SCN1A: variants seen among roughly 807,000 people sequenced by gnomAD.
SCN1A encodes sodium voltage-gated channel alpha subunit 1.
In SCN1A, 13 loss-of-function variants were observed where a neutral mutation model predicts 193.7. That is an observed-to-expected ratio of 0.07 (90% CI 0.04 to 0.11). SCN1A has a LOEUF of 0.11. Ranked by LOEUF, SCN1A falls within the 10% of genes least tolerant of loss-of-function variation. SCN1A has a pLI of 1.00. For missense variants in SCN1A, 1,432 were observed against 2,451.1 expected (o/e 0.58, Z 8.78); for synonymous variants, 781 against 843.6 (o/e 0.93, Z 1.29).
chr2:166,098,177 A>T (rs1687604846), intron 2 of SCN1A, among the ~76,000 whole-genome samples: 1 of 152,304 alleles, frequency 6.6e-6, no homozygotes, highest in Non-Finnish European at 1.5e-5. Context: ...CACCATGATC[A>T]AGTAGGCTTT....
upstream of SCN1A, among the ~76,000 whole-genome samples, chr2:166,130,756 T>C (rs1691626361): frequency 6.6e-6 from 1 of 152,168 alleles, no homozygotes; most frequent in Non-Finnish European, 1.5e-5. Flanking sequence ...AACTAACAAC[T>C]CATCATTCTG....
intron 2 of SCN1A, among the ~76,000 whole-genome samples, chr2:166,111,709 C>T (rs10930205): frequency 0.26 from 39,840 of 151,888 alleles, 5,319 homozygotes; most frequent in African/African-American, 0.28. Flanking sequence ...ATTCACCATC[C>T]TAGATCCCAT....
intron 1 of SCN1A, among the ~76,000 whole-genome samples, chr2:166,142,980 G>A (rs1692153304): frequency 1.3e-5 from 2 of 152,140 alleles, no homozygotes; most frequent in South Asian, 2.1e-4. Context: ...CAGTCATGTG[G>A]AACTGTGAGT....
chr2:166,006,709 A>G (rs1284723018), intron 23 of SCN1A, among the ~76,000 whole-genome samples: 2 of 151,390 alleles, frequency 1.3e-5, no homozygotes, highest in East Asian at 3.9e-4. Context: ...ATAAAAAATG[A>G]GAGTGGTCAC....
At chr2:166,034,148 G>C (rs1244668415) in intron 19 of SCN1A, among the ~76,000 whole-genome samples, 1 of 151,926 alleles carries the variant, frequency 6.6e-6, no homozygotes, top group African/African-American at 2.4e-5. Flanking sequence ...CCATAGACAT[G>C]GAAATGTGAC....
intron 2 of SCN1A, among the ~76,000 whole-genome samples, chr2:166,115,229 C>T (rs1689723293): frequency 6.6e-6 from 1 of 152,024 alleles, no homozygotes; most frequent in Admixed American, 6.6e-5. Context: ...CATGGTGGCG[C>T]ATGCTTGTAG....
At chr2:166,030,009 A>G (rs1695335882) in intron 19 of SCN1A, among the ~76,000 whole-genome samples, 1 of 152,184 alleles carries the variant, frequency 6.6e-6, no homozygotes, top group African/African-American at 2.4e-5. Flanking sequence ...AACACTCCAG[A>G]CTATGCTGTT....
At chr2:166,102,852 G>A (rs1444553754) in intron 2 of SCN1A, among the ~76,000 whole-genome samples, 2 of 152,082 alleles carry the variant, frequency 1.3e-5, no homozygotes, top group African/African-American at 4.8e-5. Flanking sequence ...TATATGCTAG[G>A]GAACATTACA....
chr2:166,052,576 T>C (rs1314620848), intron 8 of SCN1A, among the ~76,000 whole-genome samples: 1 of 146,988 alleles, frequency 6.8e-6, no homozygotes, highest in African/African-American at 2.5e-5. Flanking sequence ...TTGGTACATT[T>C]AAAAGGGAGC....
chr2:166,069,532 CTGCCT>C (rs1226483640), intron 4 of SCN1A, among the ~76,000 whole-genome samples: 3 of 152,210 alleles, frequency 2.0e-5, no homozygotes, highest in Non-Finnish European at 2.9e-5. Context: ...CTCACTGACA[CTGCCT>C]TTGTAAAAGA....
In SCN1A at chr2:166,036,359, T is replaced by G. The variant is rs370793418; in HGVS notation, c.3118A>C (p.Arg1040=). 8 of 1,608,850 alleles carry G rather than the reference T, an allele frequency of 5.0e-6. No individual in the cohort carries two copies. Among genetic ancestry groups the G allele is most frequent in the Non-Finnish European group, 6.8e-6 (8 of 1,178,228 alleles). ...ATTTCATCTAAAATCTTTTGTTTCC[T>G]AATGAAGGACTGTTGAATAAATTCA... ...IYEFIQQSFI[R]KQKILDEIKP... The change falls in exon 19 of 29, where the codon AGG becomes CGG. Residue 1040 remains arginine, a synonymous_variant. Transcript: ENST00000674923.
At chr2:166,064,933 C>T (rs1236811991) in intron 4 of SCN1A, among the ~76,000 whole-genome samples, 1 of 152,148 alleles carries the variant, frequency 6.6e-6, no homozygotes, top group Non-Finnish European at 1.5e-5. Context: ...TTAAATTTAT[C>T]CTTTAGCTTC....
chr2:166,011,268 G>T (rs897598727), intron 22 of SCN1A, among the ~76,000 whole-genome samples: 3 of 151,134 alleles, frequency 2.0e-5, no homozygotes, highest in African/African-American at 7.3e-5. Flanking sequence ...TGCTGGGTTA[G>T]TATCTTTTTG....
At position 166,044,910 on chromosome 2, in the gene SCN1A, G is replaced by A; in HGVS notation, c.1662+133C>T. 3.2e-6 allele frequency: 3 copies of A among 951,054 alleles called. No individual in the cohort carries two copies. In the East Asian group the frequency reaches 7.7e-5, roughly 24 times the overall value. The allele number at this position is 951,054 out of a possible 1,614,324, so 58.9% of individuals were successfully genotyped here. A position where few individuals can be genotyped will look rare whatever the true frequency, so the allele number is the denominator to read the frequency against. ...AGTTTTTGCATAACTATGTGAAGAA[G>A]GGATGGGTTTAAATATAACACAACA... On this transcript the variant is annotated intron_variant, in intron 13 of 28. Transcript: ENST00000674923.
At chr2:166,130,682 G>C (rs964088570), upstream of SCN1A, among the ~76,000 whole-genome samples, 2 of 152,134 alleles carry the variant, frequency 1.3e-5, no homozygotes, top group African/African-American at 4.8e-5. Flanking sequence ...GGAGATAAAT[G>C]ACTATTCTCA....
At position 166,051,966 on chromosome 2, in the gene SCN1A, G is replaced by C. The variant is rs759923734; in HGVS notation, c.717C>G (p.Ala239=). 3.7e-6 allele frequency: 6 copies of C among 1,611,574 alleles called. No individual in the cohort carries two copies. In the African/African-American group the frequency reaches 8.0e-5, roughly 22 times the overall value. Residue 239 remains alanine, a synonymous_variant, in exon 9 of 29, where the codon GCC becomes GCG. Transcript: ENST00000674923. ...AGAGCTTCTTCACAGACTGGATCAG[G>C]GCTCCCACAATGGTTTTCAGGCCTG... The part of the protein sequence containing the change: ...VIPGLKTIVG[A]LIQSVKKLSD...
At chr2:166,074,721 T>C (rs908610460) in intron 3 of SCN1A, among the ~76,000 whole-genome samples, 9 of 152,196 alleles carry the variant, frequency 5.9e-5, no homozygotes, top group African/African-American at 1.7e-4. Flanking sequence ...TGAATTTTAT[T>C]TGGAGACTGC....
At chr2:166,095,967 A>T (rs1687331722) in intron 2 of SCN1A, among the ~76,000 whole-genome samples, 1 of 152,200 alleles carries the variant, frequency 6.6e-6, no homozygotes, top group African/African-American at 2.4e-5. Flanking sequence ...AAGCAATATG[A>T]TACAGATGAA....
rs1553550021 is a variant in SCN1A, at chr2:166,051,998, A to G, written c.695-10T>C. On this transcript the variant is annotated splice_polypyrimidine_tract_variant and intron_variant, in intron 8 of 28. Coordinates refer to ENST00000674923, the MANE Select transcript of SCN1A (RefSeq NM_001165963.4). ...ACAATGGTTTTCAGGCCTGAAAGAA[A>G]GAAGTCTATTACTATGAAGACTTAA... The G allele has an allele frequency of 3.7e-6, 6 of 1,609,110 alleles. No homozygotes were observed. The highest frequency in any genetic ancestry group is 1.1e-5 in the South Asian group (1 of 90,618).
Sources: gnomAD v4.1 joint callset for allele counts (sites outside exome capture counted in the v4.1 genomes callset) on GRCh38, gnomAD v4.1.1 for gene constraint, MANE v1.5 for transcripts, NCBI Gene and HGNC (gene_info 2026-07-23, HGNC 2026-07-21) for gene names.